LARP4: variants seen among roughly 807,000 people sequenced by gnomAD.
The protein encoded by LARP4 is la-related protein 4.
Under a neutral mutation model 92.9 loss-of-function variants are expected in LARP4, and 29 were observed. The observed-to-expected ratio is 0.31, with a 90% CI of 0.23 to 0.43. LARP4 has a LOEUF of 0.43. Among genes scored for constraint, LARP4 ranks in the 20% least tolerant of loss-of-function variants. The pLI is 1.00. For missense variants in LARP4, 732 were observed against 860.0 expected (o/e 0.85, Z 1.86); for synonymous variants, 279 against 284.1 (o/e 0.98, Z 0.18).
chr12:50,422,258 C>T (rs1015930953), intron 1 of LARP4, among the ~76,000 whole-genome samples: 6 of 152,162 alleles, frequency 3.9e-5, no homozygotes, highest in African/African-American at 1.4e-4. Flanking sequence ...AGCCACTGCC[C>T]CCGACCTACA....
intron 13 of LARP4, among the ~76,000 whole-genome samples, chr12:50,468,091 T>A (rs1412635768): frequency 6.6e-6 from 1 of 152,036 alleles, no homozygotes; most frequent in African/African-American, 2.4e-5. Flanking sequence ...GCAGTTCTCC[T>A]CCCTCAGCCT....
intron 8 of LARP4, among the ~76,000 whole-genome samples, chr12:50,443,338 A>G (rs1358384617): frequency 6.6e-6 from 1 of 151,962 alleles, no homozygotes; most frequent in African/African-American, 2.4e-5. Flanking sequence ...GGGCATGATC[A>G]CGGCTCACTG....
At chr12:50,417,776 C>G (rs1029851049) in intron 1 of LARP4, among the ~76,000 whole-genome samples, 5 of 152,328 alleles carry the variant, frequency 3.3e-5, no homozygotes, top group Admixed American at 2.6e-4. Flanking sequence ...GTCACTGTAG[C>G]CTCTTCCTCC....
intron 4 of LARP4, among the ~76,000 whole-genome samples, chr12:50,433,680 C>T (rs972756602): frequency 1.4e-5 from 2 of 147,990 alleles, no homozygotes; most frequent in Non-Finnish European, 3.0e-5. Flanking sequence ...CACTCTATTG[C>T]GTAGGCTGGA....
intron 13 of LARP4, among the ~76,000 whole-genome samples, chr12:50,470,476 C>G (rs911017674): frequency 1.3e-5 from 2 of 151,568 alleles, no homozygotes; most frequent in African/African-American, 4.9e-5. Flanking sequence ...TCTTGTTGCC[C>G]AGGCTGGAGT....
intron 1 of LARP4, among the ~76,000 whole-genome samples, chr12:50,417,719 G>T (rs1213475605): frequency 6.6e-6 from 1 of 152,168 alleles, no homozygotes; most frequent in African/African-American, 2.4e-5. Context: ...TTTTGAGATG[G>T]AGTCTCACTC....
At chr12:50,429,644 TTTTG>T (rs1264278648) in intron 3 of LARP4, among the ~76,000 whole-genome samples, 1 of 152,124 alleles carries the variant, frequency 6.6e-6, no homozygotes, top group Non-Finnish European at 1.5e-5. Flanking sequence ...GTTGTTGTTT[TTTTG>T]TTGTTGTTGA....
At chr12:50,475,454 C>T (rs1463191989) in intron 15 of LARP4, 72 bp from the exon 16 acceptor site, 4 of 1,303,030 alleles carry the variant, frequency 3.1e-6, no homozygotes, top group Non-Finnish European at 4.3e-6. Context: ...TTATGGTTAA[C>T]ACAATCATTT....
chr12:50,442,333 C>T (rs969879375), intron 8 of LARP4, among the ~76,000 whole-genome samples: 40 of 152,174 alleles, frequency 2.6e-4, no homozygotes, highest in African/African-American at 7.5e-4. Context: ...CATTTGGAAA[C>T]CTAGGCATTG....
chr12:50,440,619 A>G, intron 7 of LARP4, 70 bp downstream of exon 7: 1 of 1,054,242 alleles, frequency 9.5e-7, no homozygotes. Flanking sequence ...ATTTTAATTG[A>G]GAAAATGTGT....
intron 1 of LARP4, among the ~76,000 whole-genome samples, chr12:50,403,263 GA>G (rs1565916121): frequency 1.3e-5 from 2 of 152,070 alleles, no homozygotes; most frequent in Non-Finnish European, 1.5e-5. Context: ...CTTGGTTGAG[GA>G]AAAAAATTTG....
Position 50,446,884 on chromosome 12 carries a change from G to A in LARP4, c.804+5241G>A, listed in dbSNP as rs142956877. Among the ~76,000 whole-genome samples, 859 of 152,208 alleles carry A rather than the reference G, an allele frequency of 5.6e-3. 6 individuals are homozygous for A. Among genetic ancestry groups the A allele is most frequent in the African/African-American group, 0.018 (735 of 41,536 alleles). ...TTGTTAAAATCAGTTTGTCAAGGTT[G>A]GCCATAATTGATTTCTTATTGTTTG... is the stretch of plus-strand genomic sequence containing the variant. On this transcript the variant is annotated intron_variant, in intron 8 of 15. Coordinates refer to ENST00000398473, the MANE Select transcript of LARP4 (RefSeq NM_052879.5).
At chr12:50,469,597 C>CT (rs1372312414) in intron 13 of LARP4, among the ~76,000 whole-genome samples, 2 of 63,668 alleles carry the variant, frequency 3.1e-5, no homozygotes, top group Non-Finnish European at 6.6e-5. Context: ...GAGCGAGACT[C>CT]TATCAAAAAA....
At position 50,440,307 on chromosome 12, in the gene LARP4, G is replaced by T. The variant is rs924906463; in HGVS notation, c.640-132G>T. 1.1e-5 allele frequency: 7 copies of T among 647,238 alleles called. No individual in the cohort carries two copies. The Admixed American group carries it at 1.3e-4, about 12-fold the overall frequency. The allele number at this position is 647,238 out of a possible 1,614,324, so 40.1% of individuals were successfully genotyped here. ...AACAGCCCATCCTCAGTGGAAAAAT[G>T]GGCAAAAGTTAAGTGAAGTGATAGG... is the stretch of plus-strand genomic sequence containing the variant. On this transcript the variant is annotated intron_variant, in intron 6 of 15. Coordinates refer to ENST00000398473, the MANE Select transcript of LARP4 (RefSeq NM_052879.5).
At chr12:50,461,465 A>G in intron 11 of LARP4, 118 bp downstream of exon 11, 1 of 1,022,720 alleles carries the variant, frequency 9.8e-7, no homozygotes, top group South Asian at 1.5e-5. Context: ...TGGTTATATT[A>G]AATAAATACG....
chr12:50,466,354 C>T (rs1196697832), intron 12 of LARP4, among the ~76,000 whole-genome samples: 1 of 152,056 alleles, frequency 6.6e-6, no homozygotes. Flanking sequence ...TTGCTTAAGC[C>T]TGTAGTCCCA....
At chr12:50,403,327 A>G (rs1944216625) in intron 1 of LARP4, among the ~76,000 whole-genome samples, 1 of 152,182 alleles carries the variant, frequency 6.6e-6, no homozygotes, top group South Asian at 2.1e-4. Context: ...AAGAAGTGAA[A>G]ATTCTTTAAA....
intron 1 of LARP4, among the ~76,000 whole-genome samples, chr12:50,424,982 A>G (rs996505772): frequency 6.6e-6 from 1 of 151,946 alleles, no homozygotes; most frequent in African/African-American, 2.4e-5. Context: ...CCCTGTCTCT[A>G]CTAAAAACAC....
At position 50,476,638 on chromosome 12, in the gene LARP4, C is replaced by G. The variant is rs1257646281; in HGVS notation, c.*774C>G. On this transcript the variant is annotated 3_prime_UTR_variant, in exon 16 of 16. Coordinates refer to ENST00000398473, the MANE Select transcript of LARP4 (RefSeq NM_052879.5). The stretch of plus-strand genomic sequence containing the variant: ...AAATTGAAAATTTCATCTTGGACCT[C>G]AGTGCATAGGTCAAATGGATTTCAG... 2 of 152,570 alleles carry G rather than the reference C, an allele frequency of 1.3e-5. No homozygotes were observed. Among genetic ancestry groups the G allele is most frequent in the African/African-American group, 2.4e-5 (1 of 41,420 alleles). 9.5% of individuals were successfully genotyped at this position (152,570 alleles called of 1,614,324 possible). A position where few individuals can be genotyped will look rare whatever the true frequency, so the allele number is the denominator to read the frequency against.
Sources: allele counts gnomAD v4.1 joint callset (sites outside exome capture counted in the v4.1 genomes callset), GRCh38; gene constraint gnomAD v4.1.1; transcripts MANE v1.5; gene names NCBI Gene and HGNC (gene_info 2026-07-23, HGNC 2026-07-21).